The following ANKRD50 variants were observed in gnomAD, a reference collection of about 807,000 sequenced individuals.
ANKRD50 encodes ankyrin repeat domain-containing protein 50.
In ANKRD50, 40 loss-of-function variants were observed where a neutral mutation model predicts 112.0. The ratio of observed to expected loss-of-function variants is 0.36; its 90% confidence interval spans 0.28 to 0.46. The LOEUF (loss-of-function observed/expected upper bound fraction) is 0.46, where lower values mean the gene tolerates loss of function less well. Ranked by LOEUF, ANKRD50 falls within the 20% of genes least tolerant of loss-of-function variation. The pLI, the probability that ANKRD50 is intolerant of heterozygous loss-of-function variation, is 1.00. For synonymous variants in ANKRD50, 613 were observed against 619.1 expected (o/e 0.99, Z 0.15); for missense variants, 1,487 against 1,701.7 (o/e 0.87, Z 2.22).
rs1578573056 is a variant in ANKRD50 at position 124,672,424 on chromosome 4, T to A, written c.853A>T (p.Thr285Ser). 2.5e-6 allele frequency: 4 copies of A among 1,613,132 alleles called. No homozygotes were observed. In the South Asian group the frequency reaches 4.4e-5, roughly 18 times the overall value. The change falls in exon 4 of 5, where the codon ACA (threonine) becomes TCA (serine). Residue 285 changes from threonine (T) to serine (S), a missense_variant. Physicochemically the swap from Thr to Ser is moderately conservative, Grantham distance 58. Around this residue, in one of 2 missense-constraint regions of ANKRD50, gnomAD observed 1,046 missense variants for 1,269.5 expected, o/e 0.82. Coordinates refer to ENST00000504087, the MANE Select transcript of ANKRD50 (RefSeq NM_020337.3). ...DQEEALRQHL[T>S]KETAEMLNQL... is the part of the protein sequence containing the mutation. The stretch of plus-strand genomic sequence containing the variant: ...TTTAACATCTCTGCAGTTTCTTTTG[T>A]GAGGTGTTGTCGCAAAGCTTCTTCT...
chr4:124,691,043 T>C (rs536492406), intron 2 of ANKRD50, among the ~76,000 whole-genome samples: 22 of 152,122 alleles, frequency 1.4e-4, no homozygotes, highest in Non-Finnish European at 2.8e-4. Flanking sequence ...AACAATCAAA[T>C]AGGACTGAGA....
rs991440062 is a variant in ANKRD50 at position 124,671,460 on chromosome 4, T to C, written c.1817A>G (p.His606Arg). Residue 606 changes from histidine to arginine, a missense_variant, in exon 4 of 5, where the codon CAT (histidine) becomes CGT (arginine). By Grantham distance (29) the His-to-Arg change is conservative. Around this residue, in one of 2 missense-constraint regions of ANKRD50, gnomAD observed 1,046 missense variants for 1,269.5 expected, o/e 0.82. Coordinates refer to ENST00000504087, the MANE Select transcript of ANKRD50 (RefSeq NM_020337.3). The stretch of plus-strand genomic sequence containing the variant: ...TGCTGTCCAACCATCTTGATCAGTA[T>C]GATTAATATTTGCTCCACACCCAAT... ...CLIGCGANIN[H>R]TDQDGWTALR... 7 of 1,613,802 alleles carry C rather than the reference T, an allele frequency of 4.3e-6. No individual in the cohort carries two copies. The Admixed American group carries it at 5.0e-5, about 12-fold the overall frequency.
Position 124,669,893 on chromosome 4 carries a change from C to A in ANKRD50, c.3384G>T (p.Val1128=). The change falls in exon 4 of 5, where the codon GTG becomes GTT. Residue 1128 remains valine (V), a synonymous_variant. Coordinates refer to ENST00000504087, the MANE Select transcript of ANKRD50 (RefSeq NM_020337.3). ...TATTTGATTTAATTGTTAATGACTG[C>A]ACTTTTGAAGACAATGACTGTAGAG... The part of the protein sequence containing the change: ...QKPLQSLSSK[V]QSLTIKSNSS... The A allele has an allele frequency of 6.2e-7, 1 of 1,613,442 alleles. No individual in the cohort carries two copies.
Position 124,670,497 on chromosome 4 carries a change from T to G in ANKRD50, c.2780A>C (p.Asp927Ala), listed in dbSNP as rs1264654454. 1 of 1,613,728 alleles carries G rather than the reference T, an allele frequency of 6.2e-7. No homozygotes were observed. Among genetic ancestry groups the G allele is most frequent in the Non-Finnish European group, 8.5e-7 (1 of 1,179,860 alleles). Residue 927 changes from aspartate to alanine, a missense_variant, in exon 4 of 5, where the codon GAC becomes GCC. Physicochemically the swap from Asp to Ala is moderately radical, Grantham distance 126. Transcript: ENST00000504087. ...ATGGCTAAAAAGCAATTCAACAATGTCCCTGTGCCCTTCTAATGCAGCAAC... is the reference window on the plus strand; with the variant it reads ...ATGGCTAAAAAGCAATTCAACAATGGCCCTGTGCCCTTCTAATGCAGCAAC... The part of the protein sequence containing the change: ...LRVAALEGHR[D>A]IVELLFSHGA...
intron 2 of ANKRD50, among the ~76,000 whole-genome samples, chr4:124,691,289 G>A (rs1337638942): frequency 6.6e-6 from 1 of 151,476 alleles, no homozygotes; most frequent in African/African-American, 2.4e-5. Flanking sequence ...TCAGGAGATC[G>A]AGACCATCCT....
At chr4:124,707,835 G>T (rs1725539632) in intron 2 of ANKRD50, among the ~76,000 whole-genome samples, 1 of 151,682 alleles carries the variant, frequency 6.6e-6, no homozygotes, top group Admixed American at 6.6e-5. Flanking sequence ...ACAGGAAAAA[G>T]AAAAAATAAA....
rs908182895 is a variant in ANKRD50 at position 124,705,995 on chromosome 4, A to C, written c.512+4005T>G. Among the ~76,000 whole-genome samples the C allele has an allele frequency of 1.3e-5, 2 of 152,170 alleles. 1 individual carries two copies. Among genetic ancestry groups the C allele is most frequent in the South Asian group, 4.1e-4 (2 of 4,836 alleles). ...AAAATAAAAATGAAAAAAAGATAGC[A>C]ATGTGTCTTCATATCATTCCCTTTA... On this transcript the variant is annotated intron_variant, in intron 2 of 4. Coordinates refer to ENST00000504087, the MANE Select transcript of ANKRD50 (RefSeq NM_020337.3).
intron 2 of ANKRD50, among the ~76,000 whole-genome samples, chr4:124,700,226 T>C (rs996880471): frequency 6.6e-6 from 1 of 152,048 alleles, no homozygotes; most frequent in African/African-American, 2.4e-5. Flanking sequence ...TTTCAGAACA[T>C]AATAAGGGCA....
rs758975242 is a variant in ANKRD50, at chr4:124,709,932, AAACTAC to A, written c.512+62_512+67del. ...AAGTAACCCACAAAGTTAAAACAAA[AAACTAC>A]AACTAAAAATTAATTTAATTTCAGC... On this transcript the variant is annotated intron_variant, in intron 2 of 4. Coordinates refer to ENST00000504087, the MANE Select transcript of ANKRD50 (RefSeq NM_020337.3). 477 of 1,532,742 alleles carry A rather than the reference AAACTAC, an allele frequency of 3.1e-4. 2 individuals carry two copies. Among genetic ancestry groups the A allele is most frequent in the Non-Finnish European group, 3.9e-4 (447 of 1,145,016 alleles). 94.9% of individuals were successfully genotyped at this position (1,532,742 alleles called of 1,614,324 possible). A position where few individuals can be genotyped will look rare whatever the true frequency, so the allele number is the denominator to read the frequency against.
rs1164132872 is a variant in ANKRD50, at chr4:124,666,716, G to C, written c.*802C>G. 6.6e-6 allele frequency: 1 copy of C among 152,376 alleles called. No homozygotes were observed. The highest frequency in any genetic ancestry group is 1.5e-5 in the Non-Finnish European group (1 of 67,920). 9.4% of individuals were successfully genotyped at this position (152,376 alleles called of 1,614,324 possible). A position where few individuals can be genotyped will look rare whatever the true frequency, so the allele number is the denominator to read the frequency against. On this transcript the variant is annotated 3_prime_UTR_variant, in exon 5 of 5. Transcript: ENST00000504087. ...CTGAGAATTTTCATGCCTCAGGAAT[G>C]ATAGTCTGTCTTCTTAGAGGTGGAA...
At position 124,708,229 on chromosome 4, in the gene ANKRD50, GACT is replaced by G. The variant is rs548195302; in HGVS notation, c.512+1768_512+1770del. The stretch of plus-strand genomic sequence containing the variant: ...TTAAAAGGTATAGTTTTATATTAAA[GACT>G]ACATTATTTATTCTGTACAGTGATT... On this transcript the variant is annotated intron_variant, in intron 2 of 4. Transcript: ENST00000504087. Among the ~76,000 whole-genome samples, 179 of 152,224 alleles carry G rather than the reference GACT, an allele frequency of 1.2e-3. 1 individual carries two copies. The highest frequency in any genetic ancestry group is 4.2e-3 in the African/African-American group (174 of 41,550).
chr4:124,700,242 G>A (rs1019805037), intron 2 of ANKRD50, among the ~76,000 whole-genome samples: 1 of 152,194 alleles, frequency 6.6e-6, no homozygotes, highest in African/African-American at 2.4e-5. Flanking sequence ...GGGCAATGTC[G>A]ATGAAGAGCA....
chr4:124,686,796 A>G (rs1359396121), intron 2 of ANKRD50, among the ~76,000 whole-genome samples: 2 of 152,304 alleles, frequency 1.3e-5, no homozygotes, highest in Non-Finnish European at 2.9e-5. Context: ...CTGGAAAATC[A>G]GCCCATGCCC....
At position 124,665,809 on chromosome 4, in the gene ANKRD50, C is replaced by G. The variant is rs1730475650; in HGVS notation, c.*1709G>C. Reference sequence around the variant, plus strand: ...CTCACTATGACTTATAGATGACAGACAAAATGAGTTTTGCTGACTTTAAAA... The same window carrying G: ...CTCACTATGACTTATAGATGACAGAGAAAATGAGTTTTGCTGACTTTAAAA... On this transcript the variant is annotated 3_prime_UTR_variant, in exon 5 of 5. Coordinates refer to ENST00000504087, the MANE Select transcript of ANKRD50 (RefSeq NM_020337.3). The G allele has an allele frequency of 6.6e-6, 1 of 152,256 alleles. No individual in the cohort carries two copies. The highest frequency in any genetic ancestry group is 6.6e-5 in the Admixed American group (1 of 15,198). 9.4% of individuals were successfully genotyped at this position (152,256 alleles called of 1,614,324 possible).
intron 2 of ANKRD50, among the ~76,000 whole-genome samples, chr4:124,707,592 C>T (rs921567392): frequency 5.3e-5 from 8 of 151,946 alleles, no homozygotes; most frequent in East Asian, 1.9e-4. Context: ...ATTACTTTAA[C>T]GATGAAGAAA....
At chr4:124,693,871 A>G (rs1417998719) in intron 2 of ANKRD50, among the ~76,000 whole-genome samples, 2 of 152,180 alleles carry the variant, frequency 1.3e-5, no homozygotes, top group Non-Finnish European at 2.9e-5. Context: ...TGAACTTTCT[A>G]AAATAGTTGG....
intron 1 of ANKRD50, among the ~76,000 whole-genome samples, 153 bp downstream of exon 1, chr4:124,712,304 CG>C (rs1725654929): frequency 6.6e-6 from 1 of 152,162 alleles, no homozygotes; most frequent in South Asian, 2.1e-4. Flanking sequence ...CGCTCCCACC[CG>C]GCCGACGGCG....
At chr4:124,678,989 T>G in intron 2 of ANKRD50, 84 bp from the exon 3 acceptor site, 2 of 1,011,222 alleles carry the variant, frequency 2.0e-6, no homozygotes, top group Non-Finnish European at 2.9e-6. Flanking sequence ...GAGTATTAAT[T>G]ATAAATTCTT....
In ANKRD50 at chr4:124,710,320, G is replaced by A. The variant is rs1560604120; in HGVS notation, c.192C>T (p.Val64=). 5 of 1,614,006 alleles carry A rather than the reference G, an allele frequency of 3.1e-6. No homozygotes were observed. The African/African-American group carries it at 6.7e-5, about 22-fold the overall frequency. The change falls in exon 2 of 5, where the codon GTC becomes GTT. Residue 64 remains valine (V), a synonymous_variant. Transcript: ENST00000504087. ...VMNSGNNASG[V]SGKGAAWGVL... ...CACCCCAGGCAGCTCCCTTTCCAGAGACACCACTAGCATTATTCCCAGAAT... is the reference window on the plus strand; with the variant it reads ...CACCCCAGGCAGCTCCCTTTCCAGAAACACCACTAGCATTATTCCCAGAAT...
Sources: gnomAD v4.1 joint callset for allele counts (sites outside exome capture counted in the v4.1 genomes callset) on GRCh38, gnomAD v4.1.1 for gene constraint, gnomAD v4.1.1 regional missense constraint, MANE v1.5 for transcripts, NCBI Gene and HGNC (gene_info 2026-07-23, HGNC 2026-07-21) for gene names.